Variants in DAAM1 observed in about 807,000 individuals in gnomAD.
DAAM1 encodes the protein disheveled-associated activator of morphogenesis 1.
DAAM1 carries 52 observed loss-of-function variants against 130.0 expected under a neutral mutation model. That is an observed-to-expected ratio of 0.40 (90% CI 0.32 to 0.50). The LOEUF is 0.50. DAAM1 is among the 20% of genes least tolerant of loss of function. The pLI, the probability that DAAM1 is intolerant of heterozygous loss-of-function variation, is 0.61. For missense variants in DAAM1, 1,134 were observed against 1,303.8 expected (o/e 0.87, Z 2.01); for synonymous variants, 452 against 444.5 (o/e 1.02, Z -0.21).
At chr14:59,199,926 C>T (rs945482695) in intron 1 of DAAM1, among the ~76,000 whole-genome samples, 5 of 152,156 alleles carry the variant, frequency 3.3e-5, no homozygotes, top group South Asian at 2.1e-4. Flanking sequence ...AAAATCACCC[C>T]GGGTTGAGAG....
At chr14:59,209,550 T>TAGA (rs1888365954) in intron 1 of DAAM1, among the ~76,000 whole-genome samples, 2 of 152,200 alleles carry the variant, frequency 1.3e-5, no homozygotes, top group Non-Finnish European at 1.5e-5. Context: ...CCATTCTATT[T>TAGA]TTCATTTTCA....
At chr14:59,347,249 T>C (rs1886119867) in intron 16 of DAAM1, among the ~76,000 whole-genome samples, 1 of 152,210 alleles carries the variant, frequency 6.6e-6, no homozygotes, top group South Asian at 2.1e-4. Flanking sequence ...AACAATTGTG[T>C]ATGGGTATTT....
chr14:59,269,504 T>C (rs2139518620), intron 2 of DAAM1, among the ~76,000 whole-genome samples: 1 of 152,370 alleles, frequency 6.6e-6, no homozygotes, highest in East Asian at 1.9e-4. Flanking sequence ...GCATTAAATT[T>C]CTGCAGGCCC....
At chr14:59,363,911 A>G (rs1886813074) in intron 23 of DAAM1, 129 bp downstream of exon 23, 4 of 1,312,762 alleles carry the variant, frequency 3.0e-6, no homozygotes, top group Non-Finnish European at 4.2e-6. Flanking sequence ...GAAATAAAGT[A>G]GTAGATAATT....
chr14:59,328,573 C>A (rs1885301686), intron 12 of DAAM1, among the ~76,000 whole-genome samples: 1 of 152,236 alleles, frequency 6.6e-6, no homozygotes, highest in Non-Finnish European at 1.5e-5. Flanking sequence ...CTCCCCCTTT[C>A]TCACTGTGTG....
chr14:59,331,153 A>T (rs972264387), intron 13 of DAAM1, 56 bp from the exon 14 acceptor site: 21 of 1,591,118 alleles, frequency 1.3e-5, no homozygotes, highest in Non-Finnish European at 1.7e-5. Flanking sequence ...CTCTTAAATC[A>T]TTCAATGAAT....
At chr14:59,261,231 C>G (rs1882146183) in intron 1 of DAAM1, among the ~76,000 whole-genome samples, 1 of 152,174 alleles carries the variant, frequency 6.6e-6, no homozygotes, top group African/African-American at 2.4e-5. Flanking sequence ...TCCACTCATC[C>G]ATCAGGGACC....
At position 59,355,292 on chromosome 14, in the gene DAAM1, T is replaced by C. The variant is rs1306352863; in HGVS notation, c.2484T>C (p.Ser828=). The part of the protein sequence containing the change: ...QRGNAYGFKI[S]SLNKIADTKS... ...GGAATGCATATGGATTCAAGATATC[T>C]AGCCTAAACAAAATTGCTGACACAA... Residue 828 remains serine, a synonymous_variant, in exon 20 of 25, where the codon TCT becomes TCC. Coordinates refer to ENST00000360909, the MANE Select transcript of DAAM1 (RefSeq NM_001270520.2). The C allele has an allele frequency of 6.2e-7, 1 of 1,613,936 alleles. No homozygotes were observed. The highest frequency in any genetic ancestry group is 1.3e-5 in the African/African-American group (1 of 74,916).
chr14:59,284,205 A>T (rs1883345077), intron 2 of DAAM1, among the ~76,000 whole-genome samples: 1 of 152,156 alleles, frequency 6.6e-6, no homozygotes, highest in Admixed American at 6.6e-5. Flanking sequence ...CCAGAAGCCA[A>T]GGAGAGGTTA....
At chr14:59,227,040 T>C (rs1418992967) in intron 1 of DAAM1, among the ~76,000 whole-genome samples, 1 of 152,224 alleles carries the variant, frequency 6.6e-6, no homozygotes, top group Non-Finnish European at 1.5e-5. Flanking sequence ...ATGCCTAGCA[T>C]ACATCTGTAG....
Position 59,347,567 on chromosome 14 carries a change from C to T in DAAM1, c.2104C>T (p.Arg702Trp), listed in dbSNP as rs749346775. The T allele has an allele frequency of 2.4e-5, 38 of 1,613,620 alleles. No individual in the cohort carries two copies. The highest frequency in any genetic ancestry group is 6.7e-5 in the African/African-American group (5 of 74,894). ...RLKLSNDEIK[R>W]AILTMDEQED... Reference sequence around the variant, plus strand: ...GAAATTATCCAATGACGAAATCAAACGGGCAATTCTAACAATGGACGAACA... The same window carrying T: ...GAAATTATCCAATGACGAAATCAAATGGGCAATTCTAACAATGGACGAACA... The change falls in exon 17 of 25, where the codon CGG becomes TGG. Residue 702 changes from arginine (R) to tryptophan (W), a missense_variant. By Grantham distance (101) the Arg-to-Trp change is moderately radical. This residue lies in a region of DAAM1 where 644 missense variants were observed against 695.9 expected (regional missense o/e 0.93). Coordinates refer to ENST00000360909, the MANE Select transcript of DAAM1 (RefSeq NM_001270520.2).
intron 2 of DAAM1, among the ~76,000 whole-genome samples, chr14:59,286,995 C>T (rs1046859382): frequency 1.3e-5 from 2 of 152,084 alleles, no homozygotes; most frequent in African/African-American, 4.8e-5. Flanking sequence ...GAGAAAAATT[C>T]AGGCTAATAT....
At chr14:59,250,924 C>T (rs1022492839) in intron 1 of DAAM1, among the ~76,000 whole-genome samples, 4 of 152,010 alleles carry the variant, frequency 2.6e-5, no homozygotes, top group African/African-American at 7.2e-5. Context: ...TTTTTCATGT[C>T]AGTCCCATGG....
At chr14:59,343,958 A>G (rs549788691) in intron 16 of DAAM1, among the ~76,000 whole-genome samples, 19 of 152,290 alleles carry the variant, frequency 1.2e-4, no homozygotes, top group Middle Eastern at 3.4e-3. Flanking sequence ...GGAATAAGCA[A>G]CTTTTCTACT....
intron 3 of DAAM1, among the ~76,000 whole-genome samples, chr14:59,300,764 A>T (rs779300030): frequency 2.0e-5 from 3 of 152,094 alleles, no homozygotes; most frequent in Non-Finnish European, 4.4e-5. Flanking sequence ...TTATAGCCTA[A>T]CTCCATGCGC....
At chr14:59,259,313 C>A (rs576904263) in intron 1 of DAAM1, among the ~76,000 whole-genome samples, 2 of 152,168 alleles carry the variant, frequency 1.3e-5, no homozygotes, top group Non-Finnish European at 2.9e-5. Context: ...TCACAAAATG[C>A]TAAGAGAGCC....
At chr14:59,252,414 A>G (rs1338299910) in intron 1 of DAAM1, among the ~76,000 whole-genome samples, 3 of 152,206 alleles carry the variant, frequency 2.0e-5, no homozygotes, top group Admixed American at 2.0e-4. Flanking sequence ...AGTTGTTTGG[A>G]TTGGAATATT....
intron 15 of DAAM1, 35 bp downstream of exon 15, chr14:59,331,955 A>G (rs1248712595): frequency 6.4e-7 from 1 of 1,567,228 alleles, no homozygotes; most frequent in Non-Finnish European, 8.8e-7. Context: ...CCAAAAAGGT[A>G]GAAAAATCAT....
chr14:59,294,440 A>C (rs993571229), intron 3 of DAAM1, among the ~76,000 whole-genome samples: 8 of 152,230 alleles, frequency 5.3e-5, no homozygotes, highest in Non-Finnish European at 8.8e-5. Context: ...AATTTTGTCT[A>C]ATTGAGTAAT....
Sources: allele counts gnomAD v4.1 joint callset (sites outside exome capture counted in the v4.1 genomes callset), GRCh38; gene constraint gnomAD v4.1.1; regional missense constraint gnomAD v4.1.1; transcripts MANE v1.5; gene names NCBI Gene and HGNC (gene_info 2026-07-23, HGNC 2026-07-21).